Variants in GPC3 observed in about 807,000 individuals in gnomAD.
The protein encoded by GPC3 is glypican-3.
GPC3 carries 3 observed loss-of-function variants against 34.4 expected under a neutral mutation model. The observed-to-expected ratio is 0.09, with a 90% confidence interval of 0.04 to 0.23. The LOEUF (loss-of-function observed/expected upper bound fraction) is 0.23, where lower values mean the gene tolerates loss of function less well. Ranked by LOEUF, GPC3 falls within the 10% of genes least tolerant of loss-of-function variation. The probability of loss-of-function intolerance (pLI) is 1.00; values close to 1 mark genes in which losing one functional copy is unlikely to be tolerated. For synonymous variants in GPC3, 177 were observed against 174.0 expected, an observed-to-expected ratio of 1.02 and a Z score of -0.13; for missense variants, 351 against 445.6, an observed-to-expected ratio of 0.79 and a Z score of 1.91.
intron 6 of GPC3, among the ~76,000 whole-genome samples, chrX:133,611,398 G>C (rs949528289): frequency 1.8e-5 from 2 of 111,821 alleles, no homozygotes; most frequent in African/African-American, 6.5e-5. Flanking sequence ...AGAGGAAAAG[G>C]CTTGGTTCCT....
intron 2 of GPC3, among the ~76,000 whole-genome samples, chrX:133,821,992 A>T (rs73241305): frequency 5.4e-3 from 609 of 111,941 alleles, no homozygotes; most frequent in Non-Finnish European, 9.6e-3. Context: ...GGCATGCATA[A>T]ATACAGTAGT....
At chrX:133,939,134 C>G (rs1419326862) in intron 2 of GPC3, among the ~76,000 whole-genome samples, 1 of 111,621 alleles carries the variant, frequency 9.0e-6, no homozygotes, top group Non-Finnish European at 1.9e-5. Context: ...CATGTACATC[C>G]TACTAGCTCA....
At chrX:133,766,507 T>C (rs2071847208) in intron 2 of GPC3, among the ~76,000 whole-genome samples, 1 of 112,333 alleles carries the variant, frequency 8.9e-6, no homozygotes, top group South Asian at 3.7e-4. Context: ...ATACATAGTA[T>C]ACATGGCAAC....
At chrX:133,899,948 G>A (rs963670618) in intron 2 of GPC3, among the ~76,000 whole-genome samples, 4 of 110,467 alleles carry the variant, frequency 3.6e-5, no homozygotes, top group East Asian at 5.7e-4. Context: ...GATTACAGGC[G>A]CCCGCCACCA....
chrX:133,727,634 C>T (rs1020826374), intron 3 of GPC3, among the ~76,000 whole-genome samples: 18 of 111,581 alleles, frequency 1.6e-4, no homozygotes, highest in Non-Finnish European at 3.4e-4. Context: ...ATTTCCAGAT[C>T]CCTGTTCTCC....
chrX:133,981,472 G>A (rs2076538936), intron 1 of GPC3, among the ~76,000 whole-genome samples: 1 of 112,243 alleles, frequency 8.9e-6, no homozygotes, highest in African/African-American at 3.2e-5. Context: ...ATCAGTATCA[G>A]GATTCGTGTA....
chrX:133,722,081 T>C (rs2071373100), intron 3 of GPC3, among the ~76,000 whole-genome samples: 1 of 111,321 alleles, frequency 9.0e-6, no homozygotes, highest in African/African-American at 3.3e-5. Context: ...CACTTACACC[T>C]CAACAATAAA....
At chrX:133,908,297 T>C (rs1734194423) in intron 2 of GPC3, among the ~76,000 whole-genome samples, 1 of 111,753 alleles carries the variant, frequency 8.9e-6, no homozygotes, top group Admixed American at 9.6e-5. Context: ...GAAATTTCAC[T>C]CACTCATTCT....
chrX:133,847,771 A>T (rs1162803283), intron 2 of GPC3, among the ~76,000 whole-genome samples: 1 of 112,342 alleles, frequency 8.9e-6, no homozygotes, highest in Non-Finnish European at 1.9e-5. Flanking sequence ...GGGAGTCAGA[A>T]TCATGACTAA....
At position 133,871,092 on chromosome X, in the gene GPC3, T is replaced by C. The variant is rs190942720; in HGVS notation, c.337+81958A>G. The stretch of plus-strand genomic sequence containing the variant: ...ATAAGTCTCAATCTCTCTCCAGAGC[T>C]GTAGGCCTGTATTTCTGACTCCCTC... On this transcript the variant is annotated intron_variant, in intron 2 of 7. Coordinates refer to ENST00000370818, the MANE Select transcript of GPC3 (RefSeq NM_004484.4). 9.4e-4 allele frequency among the ~76,000 whole-genome samples: 105 copies of C among 111,907 alleles called. 1 individual carries two copies. The highest frequency in any genetic ancestry group is 3.2e-3 in the African/African-American group (100 of 30,799).
intron 2 of GPC3, among the ~76,000 whole-genome samples, chrX:133,887,442 A>G (rs371506607): frequency 1.8e-5 from 2 of 111,948 alleles, no homozygotes; most frequent in African/African-American, 6.5e-5. Flanking sequence ...CATTTTTTTC[A>G]TATACCTGTT....
intron 2 of GPC3, among the ~76,000 whole-genome samples, chrX:133,821,858 A>T (rs1438686345): frequency 8.9e-6 from 1 of 112,008 alleles, no homozygotes; most frequent in Non-Finnish European, 1.9e-5. Flanking sequence ...CTCACAGTCA[A>T]AATCATTGTG....
intron 6 of GPC3, among the ~76,000 whole-genome samples, chrX:133,647,271 CA>C (rs1354833454): frequency 8.9e-6 from 1 of 112,549 alleles, no homozygotes; most frequent in Non-Finnish European, 1.9e-5. Flanking sequence ...CTATACCAGG[CA>C]TTGTTCAAAG....
intron 7 of GPC3, among the ~76,000 whole-genome samples, chrX:133,556,256 C>G (rs1186165278): frequency 9.0e-6 from 1 of 111,280 alleles, no homozygotes; most frequent in Non-Finnish European, 1.9e-5. Flanking sequence ...AAGATTCAAA[C>G]AATGCCTAAG....
At chrX:133,550,411 A>G (rs2069424511) in intron 7 of GPC3, among the ~76,000 whole-genome samples, 1 of 111,469 alleles carries the variant, frequency 9.0e-6, no homozygotes. Flanking sequence ...TCTCTCTCTG[A>G]GTATTAATTG....
chrX:133,892,678 G>A (rs1252887659), intron 2 of GPC3, among the ~76,000 whole-genome samples: 1 of 110,280 alleles, frequency 9.1e-6, no homozygotes, highest in Non-Finnish European at 1.9e-5. Flanking sequence ...ACACCAAAAG[G>A]GAAAGAAGGT....
chrX:133,825,135 A>G (rs2124538955), intron 2 of GPC3, among the ~76,000 whole-genome samples: 1 of 112,437 alleles, frequency 8.9e-6, no homozygotes, highest in East Asian at 2.8e-4. Context: ...GATTACAGGC[A>G]TGAGCCACTG....
intron 5 of GPC3, among the ~76,000 whole-genome samples, chrX:133,674,238 A>T (rs1470165863): frequency 9.0e-6 from 1 of 111,000 alleles, no homozygotes; most frequent in African/African-American, 3.3e-5. Context: ...TAAAAAAAAT[A>T]AAAAAGAGCT....
rs2075752546 is a variant in GPC3 at position 133,827,353 on chromosome X, T to C, written c.338-73177A>G. Among the ~76,000 whole-genome samples, 3 of 112,307 alleles carry C rather than the reference T, an allele frequency of 2.7e-5. No individual in the cohort carries two copies. The Admixed American group carries it at 2.8e-4, about 11-fold the overall frequency. On this transcript the variant is annotated intron_variant, in intron 2 of 7. Transcript: ENST00000370818. ...AATGTAGTTTTTGCGTGTAACCCCTTTTTTCTTTCTCCTGATTTAAAAACA... is the reference window on the plus strand; with the variant it reads ...AATGTAGTTTTTGCGTGTAACCCCTCTTTTCTTTCTCCTGATTTAAAAACA...
Sources: gnomAD v4.1 joint callset for allele counts (sites outside exome capture counted in the v4.1 genomes callset) on GRCh38, gnomAD v4.1.1 for gene constraint, MANE v1.5 for transcripts, NCBI Gene and HGNC (gene_info 2026-07-23, HGNC 2026-07-21) for gene names.